Variants in ALG5 observed in about 807,000 individuals in gnomAD.
ALG5 encodes the protein dolichyl-phosphate beta-glucosyltransferase.
ALG5 carries 26 observed loss-of-function variants against 51.8 expected under a neutral mutation model. The ratio of observed to expected loss-of-function variants is 0.50; its 90% confidence interval spans 0.37 to 0.70. The LOEUF is 0.70. Ranked by LOEUF, ALG5 falls within the 30% of genes least tolerant of loss-of-function variation. The pLI is 0.00. For synonymous variants in ALG5, 141 were observed against 136.1 expected (o/e 1.04, Z -0.25); for missense variants, 311 against 399.3 (o/e 0.78, Z 1.88).
At chr13:36,985,583 G>A in intron 6 of ALG5, 44 bp downstream of exon 6, 2 of 1,467,176 alleles carry the variant, frequency 1.4e-6, no homozygotes, top group Non-Finnish European at 1.9e-6. Flanking sequence ...TAGCTCTCCT[G>A]CATTCTTGAC....
At chr13:36,980,974 A>AAAAAT (rs1001609856) in intron 6 of ALG5, among the ~76,000 whole-genome samples, 18 of 152,160 alleles carry the variant, frequency 1.2e-4, no homozygotes, top group African/African-American at 2.7e-4. Flanking sequence ...ACCCTGTCTC[A>AAAAAT]AAAATAAAAT....
At chr13:36,967,156 C>G (rs1351825308) in intron 7 of ALG5, among the ~76,000 whole-genome samples, 2 of 147,706 alleles carry the variant, frequency 1.4e-5, no homozygotes, top group Non-Finnish European at 3.0e-5. Flanking sequence ...TTGGGAGGCA[C>G]AGGTTGCAAT....
chr13:36,987,718 G>A (rs945495347), intron 5 of ALG5, among the ~76,000 whole-genome samples: 2 of 152,050 alleles, frequency 1.3e-5, no homozygotes, highest in Admixed American at 1.3e-4. Context: ...TGTAAGAATG[G>A]CTTAGCATGT....
chr13:36,988,048 C>G (rs1284376706), intron 5 of ALG5, among the ~76,000 whole-genome samples: 1 of 152,104 alleles, frequency 6.6e-6, no homozygotes, highest in Non-Finnish European at 1.5e-5. Flanking sequence ...TTCATGTTCC[C>G]CGTCTAGGCT....
intron 5 of ALG5, 69 bp downstream of exon 5, chr13:36,989,415 C>T: frequency 8.4e-7 from 1 of 1,191,000 alleles, no homozygotes; most frequent in East Asian, 2.4e-5. Flanking sequence ...GGCAAACATA[C>T]AAGTCTGCAA....
At chr13:36,961,532 A>C (rs1419696093) in intron 8 of ALG5, among the ~76,000 whole-genome samples, 1 of 152,170 alleles carries the variant, frequency 6.6e-6, no homozygotes, top group African/African-American at 2.4e-5. Context: ...AGAGTACACC[A>C]TTTTATAGCA....
intron 1 of ALG5, among the ~76,000 whole-genome samples, chr13:36,996,657 G>C (rs1340669229): frequency 6.6e-6 from 1 of 152,018 alleles, no homozygotes; most frequent in Non-Finnish European, 1.5e-5. Context: ...ACAAAAACTG[G>C]GTAAGATGCA....
chr13:36,969,428 AAAAG>A (rs1217175952), intron 7 of ALG5, among the ~76,000 whole-genome samples: 2 of 151,698 alleles, frequency 1.3e-5, no homozygotes, highest in African/African-American at 4.8e-5. Flanking sequence ...TTTAAAAAAA[AAAAG>A]AAAGAAAAAA....
rs150470152 is a variant in ALG5, at chr13:36,993,347, C to T, written c.354+257G>A. ...AAAGGAAGCACAAATTGGTAGGCAACGAAGGTTCCTACCCTAAAGGCCAGG... is the reference window on the plus strand; with the variant it reads ...AAAGGAAGCACAAATTGGTAGGCAATGAAGGTTCCTACCCTAAAGGCCAGG... On this transcript the variant is annotated intron_variant, in intron 4 of 9. Coordinates refer to ENST00000239891, the MANE Select transcript of ALG5 (RefSeq NM_013338.5). 3.6e-3 allele frequency among the ~76,000 whole-genome samples: 544 copies of T among 152,274 alleles called. 4 individuals are homozygous for T. Among genetic ancestry groups the T allele is most frequent in the African/African-American group, 0.012 (511 of 41,560 alleles).
chr13:36,972,975 G>A (rs1318525153), intron 6 of ALG5, among the ~76,000 whole-genome samples: 1 of 125,718 alleles, frequency 8.0e-6, no homozygotes, highest in East Asian at 2.5e-4. Context: ...CTGGGAGACA[G>A]AGCAAGACTC....
chr13:36,955,759 A>G (rs1004662262), intron 8 of ALG5, among the ~76,000 whole-genome samples: 31 of 150,778 alleles, frequency 2.1e-4, no homozygotes, highest in African/African-American at 7.0e-4. Context: ...TTTTCAATAG[A>G]TGGTGTTGGG....
In ALG5 at chr13:36,985,602, A is replaced by T. The variant is rs112410414; in HGVS notation, c.561+25T>A. The T allele has an allele frequency of 3.2e-5, 49 of 1,547,848 alleles. No individual in the cohort carries two copies. The East Asian group carries it at 6.5e-4, about 21-fold the overall frequency. On this transcript the variant is annotated intron_variant, in intron 6 of 9. Coordinates refer to ENST00000239891, the MANE Select transcript of ALG5 (RefSeq NM_013338.5). ...TCTCCTGCATTCTTGACTGAATGTT[A>T]TTTAAACTACATTCTTATACTCACA...
chr13:36,985,148 T>C (rs1353476667), intron 6 of ALG5, among the ~76,000 whole-genome samples: 1 of 151,722 alleles, frequency 6.6e-6, no homozygotes, highest in Non-Finnish European at 1.5e-5. Flanking sequence ...TTTTAAAAGG[T>C]AGGAATGGTA....
At chr13:36,966,262 G>C (rs1458827778) in intron 7 of ALG5, among the ~76,000 whole-genome samples, 1 of 152,124 alleles carries the variant, frequency 6.6e-6, no homozygotes, top group East Asian at 1.9e-4. Context: ...GCATGCCAGA[G>C]ATCTAATTAA....
At chr13:36,975,295 A>AT (rs2058945426) in intron 6 of ALG5, among the ~76,000 whole-genome samples, 1 of 151,700 alleles carries the variant, frequency 6.6e-6, no homozygotes, top group South Asian at 2.1e-4. Context: ...ACCTCTTTAA[A>AT]TTTTTTTCTT....
At chr13:36,969,449 TA>T (rs574000267) in intron 7 of ALG5, among the ~76,000 whole-genome samples, 130 of 151,780 alleles carry the variant, frequency 8.6e-4, no homozygotes, top group South Asian at 4.1e-3. Flanking sequence ...AAAAAGTACT[TA>T]AAAAACCATT....
intron 5 of ALG5, among the ~76,000 whole-genome samples, chr13:36,988,443 C>T (rs186061561): frequency 6.6e-6 from 1 of 152,290 alleles, no homozygotes; most frequent in African/African-American, 2.4e-5. Context: ...AGAGTTCCTA[C>T]TTCTGTCTTT....
chr13:36,959,306 TTAA>T (rs543807166), intron 8 of ALG5, among the ~76,000 whole-genome samples: 1 of 152,084 alleles, frequency 6.6e-6, no homozygotes, highest in Admixed American at 6.6e-5. Flanking sequence ...GTGATTATAG[TTAA>T]TAATAATGTG....
chr13:36,991,659 G>A (rs2059026005), intron 4 of ALG5, among the ~76,000 whole-genome samples: 1 of 152,206 alleles, frequency 6.6e-6, no homozygotes, highest in African/African-American at 2.4e-5. Context: ...ATGTCACTAA[G>A]TTCTAGCTTG....
Sources: gnomAD v4.1 joint callset for allele counts (sites outside exome capture counted in the v4.1 genomes callset) on GRCh38, gnomAD v4.1.1 for gene constraint, MANE v1.5 for transcripts, NCBI Gene and HGNC (gene_info 2026-07-23, HGNC 2026-07-21) for gene names.